LRMDA: variants seen among roughly 807,000 people sequenced by gnomAD.
The protein encoded by LRMDA is leucine rich melanocyte differentiation associated, also known as leucine-rich melanocyte differentiation-associated protein.
In LRMDA, 18 loss-of-function variants were observed where a neutral mutation model predicts 29.8. That is an observed-to-expected ratio of 0.60 (90% CI 0.42 to 0.90). The LOEUF (loss-of-function observed/expected upper bound fraction) is 0.90. Among genes scored for constraint, LRMDA ranks in the 40% least tolerant of loss-of-function variants. LRMDA has a pLI of 0.00. For missense variants in LRMDA, 273 were observed against 273.9 expected, an observed-to-expected ratio of 1.00 and a Z score of 0.02; for synonymous variants, 125 against 109.4, an observed-to-expected ratio of 1.14 and a Z score of -0.89.
intron 6 of LRMDA, among the ~76,000 whole-genome samples, chr10:76,338,363 CATAAATAAATAAATAA>C (rs35208147): frequency 1.4e-4 from 21 of 146,376 alleles, no homozygotes; most frequent in African/African-American, 5.0e-4. Flanking sequence ...GACACAGTCT[CATAAATAAATAAATAA>C]ATAAATAAAT....
At chr10:75,806,624 G>A (rs1843857368) in intron 2 of LRMDA, among the ~76,000 whole-genome samples, 1 of 150,810 alleles carries the variant, frequency 6.6e-6, no homozygotes, top group Non-Finnish European at 1.5e-5. Flanking sequence ...TTGATCATCT[G>A]TCTGTTAAAG....
intron 2 of LRMDA, among the ~76,000 whole-genome samples, chr10:75,698,619 T>C (rs1842267977): frequency 8.4e-6 from 1 of 119,476 alleles, no homozygotes; most frequent in Admixed American, 8.6e-5. Context: ...CCTTCACCTC[T>C]TTTTTTTTGT....
chr10:76,045,942 A>T (rs1334913917), intron 3 of LRMDA, among the ~76,000 whole-genome samples: 2 of 152,226 alleles, frequency 1.3e-5, no homozygotes, highest in Non-Finnish European at 2.9e-5. Context: ...AGGTTAGATA[A>T]CATCCTCACA....
intron 6 of LRMDA, among the ~76,000 whole-genome samples, chr10:76,372,203 A>G (rs1054694450): frequency 1.3e-5 from 2 of 152,210 alleles, no homozygotes; most frequent in African/African-American, 4.8e-5. Flanking sequence ...GCACCTACCA[A>G]GCCATCTGAG....
At chr10:76,173,337 T>TA (rs1850872110) in intron 5 of LRMDA, among the ~76,000 whole-genome samples, 1 of 151,612 alleles carries the variant, frequency 6.6e-6, no homozygotes, top group Admixed American at 6.6e-5. Flanking sequence ...AGAAAAAAAA[T>TA]AAAGGTACAA....
chr10:75,590,726 C>CTTTTTT lies in LRMDA; in HGVS notation c.131+152269_131+152274dup, dbSNP rs67966004. On this transcript the variant is annotated intron_variant, in intron 2 of 6. Coordinates refer to ENST00000611255, the MANE Select transcript of LRMDA (RefSeq NM_001305581.2). The stretch of plus-strand genomic sequence containing the variant: ...CTCCTAACTCTCACAATAAAATAGT[C>CTTTTTT]TTTTTTTTTTTTTTTTTTTTTTTTT... Among the ~76,000 whole-genome samples the CTTTTTT allele has an allele frequency of 2.0e-3, 146 of 71,380 alleles. 3 individuals are homozygous for CTTTTTT. The highest frequency in any genetic ancestry group is 2.9e-3 in the Non-Finnish European group (114 of 39,844). 46.8% of individuals were successfully genotyped at this position (71,380 alleles called of 152,430 possible). A position where few individuals can be genotyped will look rare whatever the true frequency, so the allele number is the denominator to read the frequency against.
intron 2 of LRMDA, among the ~76,000 whole-genome samples, chr10:75,837,915 TTTAG>T (rs1844469910): frequency 6.6e-6 from 1 of 152,140 alleles, no homozygotes; most frequent in African/African-American, 2.4e-5. Flanking sequence ...GTCGCTAAGG[TTTAG>T]TTAGCTTTTT....
chr10:75,498,609 G>A (rs1845076125), intron 2 of LRMDA, among the ~76,000 whole-genome samples: 1 of 152,178 alleles, frequency 6.6e-6, no homozygotes, highest in South Asian at 2.1e-4. Flanking sequence ...GTTCAGAGAG[G>A]AGCGGCTAGT....
chr10:76,045,376 T>G (rs754917556), intron 3 of LRMDA, among the ~76,000 whole-genome samples: 2 of 150,646 alleles, frequency 1.3e-5, no homozygotes, highest in African/African-American at 2.5e-5. Context: ...TCTGGTTAGT[T>G]TCCTTCTCTT....
intron 6 of LRMDA, among the ~76,000 whole-genome samples, chr10:76,352,205 A>G (rs1332918063): frequency 5.3e-5 from 8 of 152,174 alleles, no homozygotes; most frequent in Admixed American, 4.6e-4. Context: ...GCCTGAAACC[A>G]TGGAGAGTAC....
intron 2 of LRMDA, among the ~76,000 whole-genome samples, chr10:75,510,394 G>T (rs532794254): frequency 1.3e-5 from 2 of 152,338 alleles, no homozygotes; most frequent in South Asian, 4.1e-4. Context: ...AAGCATAGAT[G>T]CTGTTGGGTC....
intron 2 of LRMDA, among the ~76,000 whole-genome samples, chr10:75,750,845 A>C (rs1402989339): frequency 8.0e-5 from 10 of 125,492 alleles, no homozygotes; most frequent in East Asian, 4.9e-4. Context: ...GGCGGCCGGG[A>C]AGAGGGGCTC....
intron 6 of LRMDA, among the ~76,000 whole-genome samples, chr10:76,484,448 G>A (rs184952625): frequency 6.6e-6 from 1 of 151,910 alleles, no homozygotes; most frequent in East Asian, 2.0e-4. Flanking sequence ...AACATGATAT[G>A]GCTTTCTATT....
chr10:75,531,159 C>T (rs114539529), intron 2 of LRMDA, among the ~76,000 whole-genome samples: 147 of 152,260 alleles, frequency 9.7e-4, no homozygotes, highest in African/African-American at 3.4e-3. Context: ...ATATCACCAG[C>T]TCTTCCTTAA....
intron 2 of LRMDA, among the ~76,000 whole-genome samples, chr10:75,630,039 G>A (rs565430961): frequency 1.1e-4 from 17 of 152,232 alleles, no homozygotes; most frequent in Non-Finnish European, 1.6e-4. Context: ...ATAAATCATC[G>A]TGATCAGGAG....
chr10:76,412,536 G>A (rs1162428056), intron 6 of LRMDA, among the ~76,000 whole-genome samples: 1 of 152,100 alleles, frequency 6.6e-6, no homozygotes, highest in Admixed American at 6.5e-5. Context: ...CTTTCTCTGG[G>A]GGACTCTGCC....
intron 5 of LRMDA, among the ~76,000 whole-genome samples, chr10:76,181,253 T>C (rs1419928576): frequency 6.6e-6 from 1 of 152,186 alleles, no homozygotes; most frequent in African/African-American, 2.4e-5. Context: ...CCCAAAGCCT[T>C]GAGCTCATTC....
chr10:76,481,307 T>G (rs1453531225), intron 6 of LRMDA, among the ~76,000 whole-genome samples: 4 of 151,960 alleles, frequency 2.6e-5, no homozygotes, highest in Non-Finnish European at 4.4e-5. Context: ...CTTCTCCTTC[T>G]CAGGCCTCTG....
intron 2 of LRMDA, among the ~76,000 whole-genome samples, chr10:75,627,083 T>G (rs1289694054): frequency 2.0e-5 from 3 of 151,988 alleles, no homozygotes; most frequent in Non-Finnish European, 1.5e-5. Context: ...AAAGACTATT[T>G]TAGGTTTGGC....
Sources: gnomAD v4.1 joint callset for allele counts (sites outside exome capture counted in the v4.1 genomes callset) on GRCh38, gnomAD v4.1.1 for gene constraint, MANE v1.5 for transcripts, NCBI Gene and HGNC (gene_info 2026-07-23, HGNC 2026-07-21) for gene names.